TTBK2: variants seen among roughly 807,000 people sequenced by gnomAD.
The protein encoded by TTBK2 is tau tubulin kinase 2.
Under a neutral mutation model 110.8 loss-of-function variants are expected in TTBK2, and 28 were observed. That is an observed-to-expected ratio of 0.25 (90% CI 0.19 to 0.35). The LOEUF (loss-of-function observed/expected upper bound fraction) is 0.35. TTBK2 is among the 10% of genes least tolerant of loss of function. The probability of loss-of-function intolerance (pLI) is 1.00; values close to 1 mark genes in which losing one functional copy is unlikely to be tolerated. For missense variants in TTBK2, 1,369 were observed against 1,500.3 expected (o/e 0.91, Z 1.45); for synonymous variants, 532 against 527.3 (o/e 1.01, Z -0.12).
At chr15:42,794,962 T>C in intron 9 of TTBK2, 161 bp from the exon 10 acceptor site, 2 of 785,054 alleles carry the variant, frequency 2.5e-6, no homozygotes. Flanking sequence ...TATATGTAGA[T>C]GATGATAGTG....
At chr15:42,757,304 TCTCA>T (rs1163372606) in intron 13 of TTBK2, among the ~76,000 whole-genome samples, 2 of 150,688 alleles carry the variant, frequency 1.3e-5, no homozygotes, top group Non-Finnish European at 3.0e-5. Flanking sequence ...ACAGACAGGG[TCTCA>T]CTATGTTGCC....
chr15:42,773,595 G>C lies in TTBK2; in HGVS notation c.1998+1540C>G, dbSNP rs190922520. Among the ~76,000 whole-genome samples the C allele has an allele frequency of 1.4e-3, 215 of 152,254 alleles. 1 individual carries two copies. The highest frequency in any genetic ancestry group is 4.9e-3 in the African/African-American group (203 of 41,550). ...ACCATGAGCACAATCTTTGTAAATA[G>C]GACAGCGTCGAGAGAGGGCAAAAAA... On this transcript the variant is annotated intron_variant, in intron 13 of 14. Transcript: ENST00000267890.
intron 7 of TTBK2, among the ~76,000 whole-genome samples, chr15:42,815,896 ATATATATATATTT>A (rs1891928567): frequency 5.6e-5 from 4 of 71,088 alleles, no homozygotes; most frequent in African/African-American, 4.0e-4. Context: ...ATTTAAAAAT[ATATATATATATTT>A]AAAAATATAT....
At position 42,853,751 on chromosome 15, in the gene TTBK2, C is replaced by G. The variant is rs143916780; in HGVS notation, c.218-13318G>C. Among the ~76,000 whole-genome samples, 245 of 152,140 alleles carry G rather than the reference C, an allele frequency of 1.6e-3. No homozygotes were observed. In the Middle Eastern group the frequency reaches 0.027, roughly 17 times the overall value. ...GCGAACACACATAAGAATAAACGAGCACACCTGTAATCCCAGCTACTCAGG... is the reference window on the plus strand; with the variant it reads ...GCGAACACACATAAGAATAAACGAGGACACCTGTAATCCCAGCTACTCAGG... On this transcript the variant is annotated intron_variant, in intron 3 of 14. Coordinates refer to ENST00000267890, the MANE Select transcript of TTBK2 (RefSeq NM_173500.4).
chr15:42,891,677 T>C (rs538088707), intron 1 of TTBK2, among the ~76,000 whole-genome samples: 2 of 152,286 alleles, frequency 1.3e-5, no homozygotes, highest in South Asian at 4.1e-4. Context: ...TATAGTCCTC[T>C]TCATCTGATT....
intron 13 of TTBK2, among the ~76,000 whole-genome samples, chr15:42,759,472 C>T (rs2061993015): frequency 6.6e-6 from 1 of 152,234 alleles, no homozygotes; most frequent in African/African-American, 2.4e-5. Flanking sequence ...GAGCCCATGT[C>T]CCTGGCCAGA....
Position 42,783,494 on chromosome 15 carries a change from G to A in TTBK2, c.1122C>T (p.His374=), listed in dbSNP as rs1217907457. The A allele has an allele frequency of 6.2e-7, 1 of 1,614,008 alleles. No individual in the cohort carries two copies. Reference sequence around the variant, plus strand: ...AAACATCCTTCTCCTGGGGACGGGGGTGTCCCAGAGATCCAGGCAATTTAT... The same window carrying A: ...AAACATCCTTCTCCTGGGGACGGGGATGTCCCAGAGATCCAGGCAATTTAT... ...SPDKLPGSLG[H]PRPQEKDVWE... is the part of the protein sequence containing the mutation. The change falls in exon 11 of 15, where the codon CAC becomes CAT. Residue 374 remains histidine, a synonymous_variant. Coordinates refer to ENST00000267890, the MANE Select transcript of TTBK2 (RefSeq NM_173500.4).
chr15:42,746,001 C>T lies in TTBK2; in HGVS notation c.3529G>A (p.Asp1177Asn). 1 of 1,614,080 alleles carries T rather than the reference C, an allele frequency of 6.2e-7. No homozygotes were observed. The highest frequency in any genetic ancestry group is 8.5e-7 in the Non-Finnish European group (1 of 1,180,026). Residue 1177 changes from aspartate (D) to asparagine (N), a missense_variant, in exon 15 of 15, where the codon GAC (aspartate) becomes AAC (asparagine). Asp to Asn is a conservative substitution (Grantham distance 23). Around this residue, in one of 4 missense-constraint regions of TTBK2, gnomAD observed 1,097 missense variants for 1,114.7 expected, o/e 0.98. Coordinates refer to ENST00000267890, the MANE Select transcript of TTBK2 (RefSeq NM_173500.4). ...SPSRAGRPHH[D>N]QRSSSPHLGR... ...AGATGTGGGGACGAACTCCTCTGGT[C>T]ATGGTGGGGCCGTCCAGCCCTAGAT...
At chr15:42,777,274 AC>A in intron 11 of TTBK2, 32 bp from the exon 12 acceptor site, 1 of 1,603,302 alleles carries the variant, frequency 6.2e-7, no homozygotes, top group Non-Finnish European at 8.5e-7. Context: ...ATCATGAAAA[AC>A]ATTCTAGGCA....
chr15:42,875,749 A>G (rs1381781018), intron 2 of TTBK2, among the ~76,000 whole-genome samples: 1 of 152,074 alleles, frequency 6.6e-6, no homozygotes, highest in Non-Finnish European at 1.5e-5. Context: ...TCTACTAAAA[A>G]TACAAAAATT....
At chr15:42,798,618 G>A (rs1016295778) in intron 9 of TTBK2, among the ~76,000 whole-genome samples, 6 of 152,144 alleles carry the variant, frequency 3.9e-5, no homozygotes, top group African/African-American at 1.4e-4. Context: ...AAGTTGGAAG[G>A]CAAAATTTAA....
At chr15:42,804,739 T>C (rs1891384688) in intron 9 of TTBK2, among the ~76,000 whole-genome samples, 1 of 152,210 alleles carries the variant, frequency 6.6e-6, no homozygotes, top group Non-Finnish European at 1.5e-5. Flanking sequence ...CCTCCAGCTC[T>C]AGAATAGACG....
intron 4 of TTBK2, 73 bp from the exon 5 acceptor site, chr15:42,830,151 C>T: frequency 1.3e-6 from 2 of 1,565,376 alleles, no homozygotes; most frequent in Admixed American, 1.8e-5. Context: ...GGAAACTACT[C>T]ACTTACCATT....
intron 13 of TTBK2, among the ~76,000 whole-genome samples, chr15:42,763,909 A>T (rs536505812): frequency 1.3e-5 from 2 of 152,302 alleles, no homozygotes; most frequent in African/African-American, 4.8e-5. Context: ...TCATTATTGA[A>T]AGTTTAATGT....
chr15:42,769,632 G>C (rs1172246651), intron 13 of TTBK2, among the ~76,000 whole-genome samples: 1 of 152,178 alleles, frequency 6.6e-6, no homozygotes, highest in Non-Finnish European at 1.5e-5. Context: ...AGGATGTGGA[G>C]AAATAGGAAC....
At chr15:42,823,970 C>A (rs1892420988) in intron 6 of TTBK2, among the ~76,000 whole-genome samples, 1 of 152,114 alleles carries the variant, frequency 6.6e-6, no homozygotes, top group Non-Finnish European at 1.5e-5. Flanking sequence ...GGGCTTCAGG[C>A]TGCTTCCATT....
chr15:42,752,266 C>A lies in TTBK2; in HGVS notation c.2980G>T (p.Asp994Tyr), dbSNP rs377620628. Residue 994 changes from aspartate (D) to tyrosine (Y), a missense_variant, in exon 14 of 15, where the codon GAC becomes TAC. Asp to Tyr is a radical substitution (Grantham distance 160, BLOSUM62 -3). Transcript: ENST00000267890. ...AATTTATCAGAGGCACTTGAGAGGT[C>A]GCCAAGGAAGGACTTGAATTGTCTT... is the stretch of plus-strand genomic sequence containing the variant. ...EKRQFKSFLG[D>Y]LSSASDKLLE... 152 of 1,614,010 alleles carry A rather than the reference C, an allele frequency of 9.4e-5. No individual in the cohort carries two copies. In the Admixed American group the frequency reaches 1.6e-3, roughly 17 times the overall value.
chr15:42,845,154 A>G (rs1483072115), intron 3 of TTBK2, among the ~76,000 whole-genome samples: 1 of 152,188 alleles, frequency 6.6e-6, no homozygotes, highest in Non-Finnish European at 1.5e-5. Flanking sequence ...GTCATAAAGG[A>G]TCTAAGTACA....
At chr15:42,781,624 C>T (rs866573111) in intron 11 of TTBK2, among the ~76,000 whole-genome samples, 2 of 152,116 alleles carry the variant, frequency 1.3e-5, no homozygotes, top group South Asian at 4.1e-4. Context: ...TCCTTTAAGG[C>T]TTCCTCTCTG....
Sources: allele counts gnomAD v4.1 joint callset (sites outside exome capture counted in the v4.1 genomes callset), GRCh38; gene constraint gnomAD v4.1.1; regional missense constraint gnomAD v4.1.1; transcripts MANE v1.5; gene names NCBI Gene and HGNC (gene_info 2026-07-23, HGNC 2026-07-21).